Variants in SSR1 observed in about 807,000 individuals in gnomAD.
SSR1 encodes the protein signal sequence receptor subunit 1.
A neutral mutation model predicts 36.1 loss-of-function variants in SSR1; 13 were observed. The observed-to-expected ratio is 0.36, with a 90% CI of 0.23 to 0.57. The LOEUF is 0.57. Ranked by LOEUF, SSR1 falls within the 20% of genes least tolerant of loss-of-function variation. SSR1 has a pLI of 0.81. For missense variants in SSR1, 291 were observed against 338.5 expected, an observed-to-expected ratio of 0.86 and a Z score of 1.10; for synonymous variants, 113 against 118.9, an observed-to-expected ratio of 0.95 and a Z score of 0.32.
rs8955 is a variant in SSR1 at position 7,288,064 on chromosome 6, G to A, written c.*1800C>T. On this transcript the variant is annotated 3_prime_UTR_variant, in exon 8 of 8. Transcript: ENST00000244763. ...AGCTGTAACTCAGTGTGGTTTTGCA[G>A]CTGCCTACGTTAGTACCAGGTATTC... 56,232 of 152,086 alleles carry A rather than the reference G, an allele frequency of 0.37. 10,472 individuals carry two copies. Among genetic ancestry groups the A allele is most frequent in the South Asian group, 0.43 (2,083 of 4,826 alleles). 9.4% of individuals were successfully genotyped at this position (152,086 alleles called of 1,614,324 possible). A position where few individuals can be genotyped will look rare whatever the true frequency, so the allele number is the denominator to read the frequency against.
At chr6:7,294,339 C>T (rs928064627) in intron 7 of SSR1, among the ~76,000 whole-genome samples, 3 of 152,052 alleles carry the variant, frequency 2.0e-5, no homozygotes, top group African/African-American at 4.8e-5. Context: ...AAACAATAGG[C>T]GTATATGCTT....
intron 1 of SSR1, among the ~76,000 whole-genome samples, chr6:7,310,712 A>G (rs979941311): frequency 1.3e-5 from 2 of 152,020 alleles, no homozygotes; most frequent in African/African-American, 4.8e-5. Flanking sequence ...GGAGTTCAAG[A>G]CCAGCCTGGC....
chr6:7,302,744 G>A (rs1008890630), intron 3 of SSR1, among the ~76,000 whole-genome samples: 7 of 150,856 alleles, frequency 4.6e-5, no homozygotes, highest in Admixed American at 1.3e-4. Context: ...CCTGGCAACA[G>A]AGCAAGACTC....
At chr6:7,294,114 C>G (rs6597263) in intron 7 of SSR1, among the ~76,000 whole-genome samples, 56,130 of 151,808 alleles carry the variant, frequency 0.37, 10,447 homozygotes, top group South Asian at 0.43. Flanking sequence ...ATTACAGTAT[C>G]ATCTGTAGGA....
chr6:7,292,188 T>G (rs1203391176), intron 7 of SSR1, among the ~76,000 whole-genome samples: 1 of 152,248 alleles, frequency 6.6e-6, no homozygotes, highest in Non-Finnish European at 1.5e-5. Flanking sequence ...AAATGTTTCC[T>G]GGACATCCTT....
intron 1 of SSR1, among the ~76,000 whole-genome samples, chr6:7,310,344 CAGCTTCCTGGGT>C (rs1423690929): frequency 2.0e-5 from 3 of 151,822 alleles, no homozygotes; most frequent in African/African-American, 7.3e-5. Context: ...CCTTCCACCT[CAGCTTCCTGGGT>C]AGCTAGGACT....
intron 3 of SSR1, among the ~76,000 whole-genome samples, chr6:7,302,186 C>T (rs1757951180): frequency 6.6e-6 from 1 of 152,162 alleles, no homozygotes; most frequent in Admixed American, 6.5e-5. Flanking sequence ...TGTAAGAAGA[C>T]CAAGAAAATT....
rs1757493673 is a variant in SSR1 at position 7,284,115 on chromosome 6, G to A, written c.*5749C>T. The A allele has an allele frequency of 1.3e-5, 2 of 152,120 alleles. No homozygotes were observed. The highest frequency in any genetic ancestry group is 2.4e-5 in the African/African-American group (1 of 41,428). The allele number at this position is 152,120 out of a possible 1,614,324, so 9.4% of individuals were successfully genotyped here. ...AAATGTTGGGTGATCAGACCAATAT[G>A]GTTTCTGAAAAAACTGTTCAGAAAT... is the stretch of plus-strand genomic sequence containing the variant. On this transcript the variant is annotated 3_prime_UTR_variant, in exon 8 of 8. Coordinates refer to ENST00000244763, the MANE Select transcript of SSR1 (RefSeq NM_003144.5).
intron 1 of SSR1, among the ~76,000 whole-genome samples, chr6:7,311,723 TGAA>T (rs1204025125): frequency 6.6e-6 from 1 of 151,840 alleles, no homozygotes; most frequent in Non-Finnish European, 1.5e-5. Flanking sequence ...TTTGTCCCCA[TGAA>T]GTCTAACAGT....
intron 1 of SSR1, among the ~76,000 whole-genome samples, chr6:7,310,780 A>G (rs1335124897): frequency 6.6e-6 from 1 of 152,124 alleles, no homozygotes; most frequent in Admixed American, 6.6e-5. Context: ...GTGTGGTGGC[A>G]CACACCTGTG....
rs201879169 is a variant in SSR1, at chr6:7,309,947, G to A, written c.162C>T (p.Ala54=). The A allele has an allele frequency of 1.2e-4, 199 of 1,613,540 alleles. No homozygotes were observed. The Admixed American group carries it at 2.7e-3, about 21-fold the overall frequency. ...CTGTGGGTTCATCTTCTTCTACCTCGGCTTCATCATCTTCATCCTCAATTA... is the reference window on the plus strand; with the variant it reads ...CTGTGGGTTCATCTTCTTCTACCTCAGCTTCATCATCTTCATCCTCAATTA... ...DSIIEDEDDE[A]EVEEDEPTDL... is the part of the protein sequence containing the mutation. The change falls in exon 2 of 8, where the codon GCC becomes GCT. Residue 54 remains alanine (A), a synonymous_variant. Coordinates refer to ENST00000244763, the MANE Select transcript of SSR1 (RefSeq NM_003144.5).
chr6:7,311,500 C>T (rs1374442576), intron 1 of SSR1, among the ~76,000 whole-genome samples: 1 of 152,134 alleles, frequency 6.6e-6, no homozygotes, highest in African/African-American at 2.4e-5. Context: ...AACACTGAAC[C>T]ATGCATTATG....
chr6:7,306,709 G>C (rs1206351135), intron 2 of SSR1, among the ~76,000 whole-genome samples: 2 of 151,454 alleles, frequency 1.3e-5, no homozygotes, highest in Non-Finnish European at 2.9e-5. Context: ...GAGGTCAGGA[G>C]ATCGAGACCA....
intron 7 of SSR1, 22 bp downstream of exon 7, chr6:7,295,370 C>T (rs757954013): frequency 1.9e-6 from 3 of 1,563,146 alleles, no homozygotes; most frequent in Non-Finnish European, 2.6e-6. Context: ...AACTTCCCAG[C>T]CAAGTCTGTA....
intron 2 of SSR1, among the ~76,000 whole-genome samples, chr6:7,306,134 T>G (rs1264960711): frequency 6.6e-6 from 1 of 152,210 alleles, no homozygotes; most frequent in Non-Finnish European, 1.5e-5. Flanking sequence ...TTTAAATAAC[T>G]ATTTTTTTTT....
chr6:7,306,998 C>T (rs1170390641), intron 2 of SSR1, among the ~76,000 whole-genome samples: 2 of 151,448 alleles, frequency 1.3e-5, no homozygotes, highest in Non-Finnish European at 1.5e-5. Context: ...AACCAATAAC[C>T]TGTGTCTAAA....
Position 7,288,377 on chromosome 6 carries a change from A to G in SSR1, c.*1487T>C, listed in dbSNP as rs1470464577. 6.6e-6 allele frequency: 1 copy of G among 152,192 alleles called. No individual in the cohort carries two copies. The highest frequency in any genetic ancestry group is 1.5e-5 in the Non-Finnish European group (1 of 68,024). The allele number at this position is 152,192 out of a possible 1,614,324, so 9.4% of individuals were successfully genotyped here. A position where few individuals can be genotyped will look rare whatever the true frequency, so the allele number is the denominator to read the frequency against. Reference sequence around the variant, plus strand: ...ATAATCCAGCAATGCCAATATAGGTAATTTGATAGCCCCTATTTGCAAAGT... The same window carrying G: ...ATAATCCAGCAATGCCAATATAGGTGATTTGATAGCCCCTATTTGCAAAGT... On this transcript the variant is annotated 3_prime_UTR_variant, in exon 8 of 8. Transcript: ENST00000244763.
In SSR1 at chr6:7,299,629, C is replaced by T. The variant is rs1360888529; in HGVS notation, c.544-806G>A. Among the ~76,000 whole-genome samples, 3 of 148,170 alleles carry T rather than the reference C, an allele frequency of 2.0e-5. No homozygotes were observed. The Admixed American group carries it at 2.1e-4, about 10-fold the overall frequency. ...AGGAGAATCACTTGTGCCCAGAAGG[C>T]AGAGGTTGTGATGAGCCGAGATCAC... is the stretch of plus-strand genomic sequence containing the variant. On this transcript the variant is annotated intron_variant, in intron 4 of 7. Transcript: ENST00000244763.
intron 2 of SSR1, among the ~76,000 whole-genome samples, chr6:7,305,939 C>T (rs1468242664): frequency 6.6e-6 from 1 of 152,210 alleles, no homozygotes; most frequent in Non-Finnish European, 1.5e-5. Context: ...CGCTTAGTAT[C>T]TGCTACCCGG....
Sources: gnomAD v4.1 joint callset for allele counts (sites outside exome capture counted in the v4.1 genomes callset) on GRCh38, gnomAD v4.1.1 for gene constraint, MANE v1.5 for transcripts, NCBI Gene and HGNC (gene_info 2026-07-23, HGNC 2026-07-21) for gene names.